The following CHL1 variants were observed in gnomAD, a reference collection of about 807,000 sequenced individuals.
CHL1 encodes the protein neural cell adhesion molecule L1-like protein.
CHL1 carries 96 observed loss-of-function variants against 141.9 expected under a neutral mutation model. The observed-to-expected ratio is 0.68, with a 90% confidence interval of 0.57 to 0.80. The LOEUF (loss-of-function observed/expected upper bound fraction) is 0.80. CHL1 is among the 30% of genes least tolerant of loss of function. CHL1 has a pLI of 0.00. For synonymous variants in CHL1, 613 were observed against 502.2 expected (o/e 1.22, Z -2.95); for missense variants, 1,820 against 1,457.2 (o/e 1.25, Z -4.05).
chr3:269,355 G>A lies in CHL1; in HGVS notation c.-95+24663G>A, dbSNP rs977351336. ...AGAAGGAGACTTGCAAATGTTCCCT[G>A]TTTAGTTAACTGAATCAGTAATGAA... On this transcript the variant is annotated intron_variant, in intron 2 of 27. Coordinates refer to ENST00000256509, the MANE Select transcript of CHL1 (RefSeq NM_006614.4). 3.3e-5 allele frequency among the ~76,000 whole-genome samples: 5 copies of A among 152,158 alleles called. No individual in the cohort carries two copies. In the East Asian group the frequency reaches 9.6e-4, roughly 29 times the overall value.
intron 2 of CHL1, among the ~76,000 whole-genome samples, chr3:276,630 C>CTG (rs1461604928): frequency 6.6e-6 from 1 of 152,134 alleles, no homozygotes; most frequent in East Asian, 1.9e-4. Context: ...TGGCTCACAC[C>CTG]TGTAATCCCA....
At position 407,416 on chromosome 3, in the gene CHL1, T is replaced by C. The variant is rs933176278; in HGVS notation, c.*1705T>C. ...CCAGAATGTATAGACAGGAAAAGCA[T>C]GTCTTATTTAAAACTGTAATTTATG... On this transcript the variant is annotated 3_prime_UTR_variant, in exon 28 of 28. Transcript: ENST00000256509. The C allele has an allele frequency of 6.6e-6, 1 of 152,126 alleles. No homozygotes were observed. The allele number at this position is 152,126 out of a possible 1,614,324, so 9.4% of individuals were successfully genotyped here.
intron 1 of CHL1, among the ~76,000 whole-genome samples, chr3:244,180 T>C (rs1194025953): frequency 1.3e-5 from 2 of 152,184 alleles, no homozygotes; most frequent in Non-Finnish European, 2.9e-5. Flanking sequence ...CTGACGAAGC[T>C]CTCCTCGTTT....
rs753387649 is a variant in CHL1, at chr3:391,710, G to T, written c.2827G>T (p.Val943Phe). 1.9e-6 allele frequency: 3 copies of T among 1,606,296 alleles called. No homozygotes were observed. In the East Asian group the frequency reaches 6.7e-5, roughly 36 times the overall value. ...EQPTFLKVIK[V>F]DKDTATLSWG... ...GCCAACTTTTCTAAAGGTCATCAAA[G>T]TTGATAAAGACACTGCCACTTTATC... is the stretch of plus-strand genomic sequence containing the variant. The change falls in exon 23 of 28, where the codon GTT (valine) becomes TTT (phenylalanine). Residue 943 changes from valine to phenylalanine, a missense_variant. Coordinates refer to ENST00000256509, the MANE Select transcript of CHL1 (RefSeq NM_006614.4).
At chr3:229,664 T>A (rs1014391527) in intron 1 of CHL1, among the ~76,000 whole-genome samples, 1 of 152,172 alleles carries the variant, frequency 6.6e-6, no homozygotes, top group Non-Finnish European at 1.5e-5. Context: ...AGCTACTACA[T>A]TTTATCGACT....
intron 9 of CHL1, among the ~76,000 whole-genome samples, chr3:347,503 C>T (rs1702864928): frequency 6.6e-6 from 1 of 152,084 alleles, no homozygotes; most frequent in South Asian, 2.1e-4. Flanking sequence ...TACTTTAGAT[C>T]ATTATTTTAC....
intron 1 of CHL1, among the ~76,000 whole-genome samples, chr3:242,170 CAT>C (rs766917322): frequency 3.6e-4 from 54 of 151,856 alleles, no homozygotes; most frequent in Admixed American, 1.5e-3. Flanking sequence ...ACCATAAGTA[CAT>C]GTGTGTGTAT....
chr3:222,089 A>G (rs978091695), intron 1 of CHL1, among the ~76,000 whole-genome samples: 5 of 152,174 alleles, frequency 3.3e-5, no homozygotes, highest in African/African-American at 1.2e-4. Context: ...GTTCTTAACT[A>G]CACATTTCTA....
At chr3:383,772 A>G (rs535412672) in intron 18 of CHL1, 44 bp from the exon 19 acceptor site, 3 of 1,436,420 alleles carry the variant, frequency 2.1e-6, no homozygotes, top group South Asian at 2.3e-5. Context: ...TGACTTACCT[A>G]TGGGTTAAAA....
At chr3:260,694 A>G (rs558780082) in intron 2 of CHL1, among the ~76,000 whole-genome samples, 4 of 152,332 alleles carry the variant, frequency 2.6e-5, no homozygotes, top group African/African-American at 7.2e-5. Context: ...TTTGTTCAAA[A>G]TGCTAATCTT....
chr3:313,218 A>G (rs187584985), intron 2 of CHL1, among the ~76,000 whole-genome samples: 28 of 152,278 alleles, frequency 1.8e-4, no homozygotes, highest in African/African-American at 6.5e-4. Context: ...CCTTTTGTTC[A>G]CTGAATTTGC....
At chr3:353,932 A>G (rs945167451) in intron 10 of CHL1, among the ~76,000 whole-genome samples, 1 of 152,186 alleles carries the variant, frequency 6.6e-6, no homozygotes, top group East Asian at 1.9e-4. Context: ...TTATAAAAAC[A>G]TGGAAATCCA....
intron 14 of CHL1, chr3:363,773 G>T (rs1291865976): frequency 6.2e-6 from 1 of 160,556 alleles, no homozygotes. Flanking sequence ...TATAATGACT[G>T]AGGCATGACA....
chr3:263,875 A>G (rs1187995302), intron 2 of CHL1, among the ~76,000 whole-genome samples: 3 of 152,208 alleles, frequency 2.0e-5, no homozygotes, highest in African/African-American at 7.2e-5. Context: ...TGCCTTTTGA[A>G]TATATTCATG....
intron 24 of CHL1, among the ~76,000 whole-genome samples, chr3:397,910 C>T (rs6442826): frequency 0.97 from 148,081 of 152,238 alleles, 72,137 homozygotes; most frequent in East Asian, 1. Context: ...ATTAGGTTTG[C>T]GAAAATCCAA....
chr3:398,696 C>G (rs1323311231), intron 25 of CHL1, among the ~76,000 whole-genome samples: 1 of 152,200 alleles, frequency 6.6e-6, no homozygotes, highest in Admixed American at 6.5e-5. Context: ...CCATGGTCAT[C>G]TGCTTCTAAC....
Position 264,797 on chromosome 3 carries a change from T to C in CHL1, c.-95+20105T>C, listed in dbSNP as rs556292721. Among the ~76,000 whole-genome samples the C allele has an allele frequency of 5.3e-5, 8 of 152,330 alleles. No individual in the cohort carries two copies. The South Asian group carries it at 1.7e-3, about 32-fold the overall frequency. On this transcript the variant is annotated intron_variant, in intron 2 of 27. Coordinates refer to ENST00000256509, the MANE Select transcript of CHL1 (RefSeq NM_006614.4). ...ACCTTCTGTCTCTTTCGCAATGGAC[T>C]GTTTGCGTAAAATACCAGCGTACTT...
At chr3:399,719 T>A (rs1228818330) in intron 26 of CHL1, among the ~76,000 whole-genome samples, 1 of 152,196 alleles carries the variant, frequency 6.6e-6, no homozygotes, top group East Asian at 1.9e-4. Context: ...CTGTAAAATA[T>A]CAGCGTCGTT....
intron 24 of CHL1, among the ~76,000 whole-genome samples, chr3:395,469 C>T (rs887135341): frequency 6.6e-6 from 1 of 152,158 alleles, no homozygotes; most frequent in African/African-American, 2.4e-5. Flanking sequence ...TCCCAAATTG[C>T]ATCTCCAGTT....
Sources: gnomAD v4.1 joint callset for allele counts (sites outside exome capture counted in the v4.1 genomes callset) on GRCh38, gnomAD v4.1.1 for gene constraint, MANE v1.5 for transcripts, NCBI Gene and HGNC (gene_info 2026-07-23, HGNC 2026-07-21) for gene names.